TRIM59: variants seen among roughly 807,000 people sequenced by gnomAD.
The protein encoded by TRIM59 is tripartite motif-containing protein 59.
Under a neutral mutation model 32.2 loss-of-function variants are expected in TRIM59, and 14 were observed. The ratio of observed to expected loss-of-function variants is 0.43; its 90% confidence interval spans 0.29 to 0.68. TRIM59 has a LOEUF of 0.68. TRIM59 is among the 30% of genes least tolerant of loss of function. TRIM59 has a pLI of 0.15. For synonymous variants in TRIM59, 163 were observed against 155.1 expected (o/e 1.05, Z -0.38); for missense variants, 471 against 463.3 (o/e 1.02, Z -0.15).
In TRIM59 at chr3:160,437,099, C is replaced by G; in HGVS notation, c.*873G>C. On this transcript the variant is annotated 3_prime_UTR_variant, in exon 3 of 3. Transcript: ENST00000309784. ...GCACAGTGTGGCTAACGTCTGTAAT[C>G]CCAGCACTTTGGGAGGCCAAGGTGG... 1.0e-6 allele frequency: 1 copy of G among 981,834 alleles called. No homozygotes were observed. Among genetic ancestry groups the G allele is most frequent in the Non-Finnish European group, 1.2e-6 (1 of 826,690 alleles). The allele number at this position is 981,834 out of a possible 1,614,324, so 60.8% of individuals were successfully genotyped here.
chr3:160,449,434 G>A (rs1247109049), intron 1 of TRIM59: 6 of 1,144,242 alleles, frequency 5.2e-6, no homozygotes, highest in Non-Finnish European at 6.6e-6. Flanking sequence ...CCCCAACCCC[G>A]CGGGACTGAC....
chr3:160,440,846 G>A (rs1015683594), intron 2 of TRIM59, among the ~76,000 whole-genome samples: 3 of 151,958 alleles, frequency 2.0e-5, no homozygotes, highest in African/African-American at 4.8e-5. Context: ...AGTAGGTGGC[G>A]GTTGCAGTGA....
intron 2 of TRIM59, among the ~76,000 whole-genome samples, chr3:160,447,463 C>A (rs1308886921): frequency 1.3e-5 from 2 of 152,244 alleles, no homozygotes; most frequent in African/African-American, 2.4e-5. Flanking sequence ...AAAACAAATA[C>A]ATTTCTGAAT....
At chr3:160,440,940 G>A (rs945183082) in intron 2 of TRIM59, among the ~76,000 whole-genome samples, 3 of 152,110 alleles carry the variant, frequency 2.0e-5, no homozygotes, top group South Asian at 2.1e-4. Context: ...TGCCATTCAC[G>A]TAAAATATAA....
rs756502274 is a variant in TRIM59 at position 160,438,777 on chromosome 3, CT to C, written c.406del (p.Ser136ValfsTer4). 13 of 1,613,886 alleles carry C rather than the reference CT, an allele frequency of 8.1e-6. No individual in the cohort carries two copies. Among genetic ancestry groups the C allele is most frequent in the South Asian group, 7.7e-5 (7 of 91,084 alleles). On this transcript the variant is annotated frameshift_variant, in exon 3 of 3. Coordinates refer to ENST00000309784, the MANE Select transcript of TRIM59 (RefSeq NM_173084.3). LOFTEE classifies it high-confidence loss of function. ...AGTGTCCTTTTCTTTCAAATAGGCA[CT>C]TTGAAGGTCATCTATAGGATGACCA... ...HHGHPIDDLQ[S>X]AYLKEKDTPQ...
chr3:160,441,753 C>CAAAAAAAA (rs538957200), intron 2 of TRIM59, among the ~76,000 whole-genome samples: 27 of 49,796 alleles, frequency 5.4e-4, no homozygotes, highest in Admixed American at 8.5e-4. Flanking sequence ...GACTCCATCT[C>CAAAAAAAA]AAAAAAAAAA....
At chr3:160,443,626 A>T (rs1719369692) in intron 2 of TRIM59, among the ~76,000 whole-genome samples, 1 of 152,086 alleles carries the variant, frequency 6.6e-6, no homozygotes, top group Non-Finnish European at 1.5e-5. Flanking sequence ...GAAGAGGAAG[A>T]AAGATCCAAA....
At chr3:160,441,623 G>A (rs1719250260) in intron 2 of TRIM59, among the ~76,000 whole-genome samples, 2 of 151,644 alleles carry the variant, frequency 1.3e-5, no homozygotes, top group African/African-American at 2.4e-5. Context: ...GTGTGGTGGT[G>A]GGCGCCTGTA....
At chr3:160,440,638 G>A (rs143951067) in intron 2 of TRIM59, among the ~76,000 whole-genome samples, 20 of 152,198 alleles carry the variant, frequency 1.3e-4, no homozygotes, top group Admixed American at 1.0e-3. Context: ...ATGGCCAGGC[G>A]CAGTGGTTCA....
At chr3:160,448,894 T>C (rs557560891) in intron 1 of TRIM59, 99 bp from the exon 2 acceptor site, 18 of 584,084 alleles carry the variant, frequency 3.1e-5, no homozygotes, top group Non-Finnish European at 4.7e-5. Context: ...ATCTTCACGA[T>C]GCTTCATCGT....
In TRIM59 at chr3:160,438,530, A is replaced by G. The variant is rs75343910; in HGVS notation, c.654T>C (p.Tyr218=). Residue 218 remains tyrosine (Y), a synonymous_variant, in exon 3 of 3, where the codon TAT becomes TAC. Transcript: ENST00000309784. ...CCTTCATTCTTTCAATTTGTGGAGT[A>G]TATTCTTGATTAATTAGATTGCCAA... ...CDVGNLINQE[Y]TPQIERMKEI... 18,277 of 1,612,004 alleles carry G rather than the reference A, an allele frequency of 0.011. 934 individuals are homozygous for G. The African/African-American group carries it at 0.14, about 13-fold the overall frequency.
intron 2 of TRIM59, 37 bp from the exon 3 acceptor site, chr3:160,439,223 G>A: frequency 6.8e-7 from 1 of 1,475,194 alleles, no homozygotes; most frequent in Non-Finnish European, 9.0e-7. Flanking sequence ...TTTACATAGA[G>A]ACACCTGTAC....
chr3:160,449,560 G>A (rs1719714415), intron 1 of TRIM59, 157 bp downstream of exon 1: 14 of 1,285,924 alleles, frequency 1.1e-5, no homozygotes, highest in South Asian at 7.4e-5. Context: ...TCCAGTATGG[G>A]ACAAGAGGGA....
intron 2 of TRIM59, among the ~76,000 whole-genome samples, chr3:160,441,678 C>T (rs965308891): frequency 3.4e-5 from 5 of 147,092 alleles, no homozygotes; most frequent in African/African-American, 5.0e-5. Context: ...GGCGTCAACC[C>T]GGGAGGCAGA....
chr3:160,440,338 T>C (rs1238902682), intron 2 of TRIM59, among the ~76,000 whole-genome samples: 3 of 152,216 alleles, frequency 2.0e-5, no homozygotes, highest in African/African-American at 2.4e-5. Context: ...TCATCTTTCC[T>C]TCATGAAAGT....
chr3:160,440,386 G>A (rs558326079), intron 2 of TRIM59, among the ~76,000 whole-genome samples: 6 of 152,222 alleles, frequency 3.9e-5, no homozygotes, highest in African/African-American at 9.6e-5. Flanking sequence ...AAAAAGAAAC[G>A]TAGCGATAGT....
At position 160,438,789 on chromosome 3, in the gene TRIM59, T is replaced by C. The variant is rs1315077587; in HGVS notation, c.395A>G (p.Asp132Gly). 1 of 1,613,968 alleles carries C rather than the reference T, an allele frequency of 6.2e-7. No individual in the cohort carries two copies. The highest frequency in any genetic ancestry group is 2.2e-5 in the East Asian group (1 of 44,866). Residue 132 changes from aspartate to glycine, a missense_variant, in exon 3 of 3, where the codon GAT becomes GGT. Coordinates refer to ENST00000309784, the MANE Select transcript of TRIM59 (RefSeq NM_173084.3). ...TTTCAAATAGGCACTTTGAAGGTCA[T>C]CTATAGGATGACCATGATGTTGACC... ...TIGQHHGHPI[D>G]DLQSAYLKEK...
At position 160,435,544 on chromosome 3, in the gene TRIM59, T is replaced by C. The variant is rs367845022; in HGVS notation, c.*2428A>G. On this transcript the variant is annotated 3_prime_UTR_variant, in exon 3 of 3. Transcript: ENST00000309784. ...GTTTATTAAAATACATATTTTGTTA[T>C]ACATAAAACTTAGAAATATTTCAAG... 11 of 166,882 alleles carry C rather than the reference T, an allele frequency of 6.6e-5. No homozygotes were observed. In the East Asian group the frequency reaches 1.4e-3, roughly 21 times the overall value. The allele number at this position is 166,882 out of a possible 1,614,324, so 10.3% of individuals were successfully genotyped here. A position where few individuals can be genotyped will look rare whatever the true frequency, so the allele number is the denominator to read the frequency against.
At chr3:160,447,858 T>C (rs1719613265) in intron 2 of TRIM59, 1 of 152,222 alleles carries the variant, frequency 6.6e-6, no homozygotes, top group Non-Finnish European at 1.5e-5. Context: ...AAAGAAGAAA[T>C]ACATTTCATG....
Sources: allele counts gnomAD v4.1 joint callset (sites outside exome capture counted in the v4.1 genomes callset), GRCh38; gene constraint gnomAD v4.1.1; transcripts MANE v1.5; gene names NCBI Gene and HGNC (gene_info 2026-07-23, HGNC 2026-07-21).